The following LINGO2 variants were observed in gnomAD, a reference collection of about 807,000 sequenced individuals.
LINGO2 encodes leucine rich repeat and Ig domain containing 2.
LINGO2 carries 14 observed loss-of-function variants against 30.6 expected under a neutral mutation model. That is an observed-to-expected ratio of 0.46 (90% CI 0.30 to 0.72). LINGO2 has a LOEUF of 0.72. LINGO2 is among the 30% of genes least tolerant of loss of function. LINGO2 has a pLI of 0.07. For missense variants in LINGO2, 729 were observed against 751.7 expected (o/e 0.97, Z 0.35); for synonymous variants, 317 against 288.5 (o/e 1.10, Z -1.00).
the LINGO2 span, among the ~76,000 whole-genome samples, chr9:29,008,629 A>C: frequency 3.5e-3 from 531 of 152,208 alleles, 1 homozygote; most frequent in Non-Finnish European, 6.1e-3. Flanking sequence ...CTAACTGGTG[A>C]GAGATGGCAT....
chr9:28,082,901 G>T (rs562391672), intron 4 of LINGO2, among the ~76,000 whole-genome samples: 12 of 152,102 alleles, frequency 7.9e-5, no homozygotes, highest in Admixed American at 7.9e-4. Context: ...TTGTGTTTCT[G>T]GTTTCAAATT....
intron 3 of LINGO2, among the ~76,000 whole-genome samples, chr9:28,335,483 A>G (rs1825560529): frequency 6.6e-6 from 1 of 152,152 alleles, no homozygotes; most frequent in African/African-American, 2.4e-5. Flanking sequence ...TATACATACC[A>G]TGCTAAGTGT....
the LINGO2 span, among the ~76,000 whole-genome samples, chr9:28,848,164 AG>A: frequency 2.3e-5 from 2 of 86,314 alleles, no homozygotes; most frequent in East Asian, 3.1e-4. Flanking sequence ...ACGCATATAT[AG>A]TGTGTATATA....
chr9:28,404,043 C>T (rs1024798374), intron 2 of LINGO2, among the ~76,000 whole-genome samples: 3 of 151,972 alleles, frequency 2.0e-5, no homozygotes, highest in Admixed American at 2.0e-4. Context: ...ACCCAATAAG[C>T]CAAAATCTTT....
intron 4 of LINGO2, among the ~76,000 whole-genome samples, chr9:28,226,148 T>A (rs79785441): frequency 2.6e-5 from 4 of 152,174 alleles, no homozygotes; most frequent in Non-Finnish European, 4.4e-5. Flanking sequence ...ATATATCTCA[T>A]TGGAGATTTA....
the LINGO2 span, among the ~76,000 whole-genome samples, chr9:29,210,815 T>C: frequency 2.0e-5 from 3 of 152,180 alleles, no homozygotes; most frequent in Admixed American, 6.5e-5. Flanking sequence ...TAAGGTGAAA[T>C]ACCTGGCAGA....
intron 2 of LINGO2, among the ~76,000 whole-genome samples, chr9:28,471,764 C>T (rs553107408): frequency 1.3e-5 from 2 of 152,212 alleles, no homozygotes; most frequent in African/African-American, 4.8e-5. Context: ...ATCTGTCTAC[C>T]AACAAGCTTT....
intron 1 of LINGO2, among the ~76,000 whole-genome samples, chr9:28,611,817 A>AT (rs59766009): frequency 6.7e-6 from 1 of 148,746 alleles, no homozygotes; most frequent in Non-Finnish European, 1.5e-5. Flanking sequence ...ATTTTATTTT[A>AT]TTTATTTATT....
the LINGO2 span, among the ~76,000 whole-genome samples, chr9:29,063,497 G>A: frequency 1.3e-5 from 2 of 151,514 alleles, no homozygotes; most frequent in Non-Finnish European, 2.9e-5. Context: ...CTGCCTCCCA[G>A]GTTTGAGCAA....
At chr9:28,388,180 ACTTG>A (rs1339476644) in intron 2 of LINGO2, among the ~76,000 whole-genome samples, 1 of 152,164 alleles carries the variant, frequency 6.6e-6, no homozygotes, top group African/African-American at 2.4e-5. Context: ...GTGTAACTAG[ACTTG>A]CTTTTTTCTC....
the LINGO2 span, among the ~76,000 whole-genome samples, chr9:29,011,926 T>C: frequency 1.3e-5 from 2 of 152,194 alleles, no homozygotes; most frequent in Non-Finnish European, 2.9e-5. Context: ...TTTGTCAACA[T>C]TTCTGAAAAT....
chr9:29,081,260 T>C, the LINGO2 span, among the ~76,000 whole-genome samples: 3 of 151,886 alleles, frequency 2.0e-5, no homozygotes, highest in South Asian at 2.1e-4. Flanking sequence ...TCCCTGGGAC[T>C]GCAAGGCTGG....
At chr9:27,955,090 T>C (rs1328334499) in intron 5 of LINGO2, among the ~76,000 whole-genome samples, 1 of 152,192 alleles carries the variant, frequency 6.6e-6, no homozygotes, top group African/African-American at 2.4e-5. Context: ...TGACATTATT[T>C]TGACATTCAA....
At chr9:29,067,930 A>G in the LINGO2 span, among the ~76,000 whole-genome samples, 1 of 151,770 alleles carries the variant, frequency 6.6e-6, no homozygotes, top group African/African-American at 2.4e-5. Flanking sequence ...GGAGCTTTAA[A>G]AACTAGTTTT....
the LINGO2 span, among the ~76,000 whole-genome samples, chr9:29,092,484 T>C: frequency 1.3e-5 from 2 of 152,104 alleles, no homozygotes; most frequent in Non-Finnish European, 2.9e-5. Context: ...AATACTTACC[T>C]ATAAAATGTA....
At chr9:29,111,661 CT>C in the LINGO2 span, among the ~76,000 whole-genome samples, 4 of 151,098 alleles carry the variant, frequency 2.6e-5, no homozygotes, top group Non-Finnish European at 4.4e-5. Flanking sequence ...AGCTTATCAG[CT>C]TTTTTTTGCC....
intron 2 of LINGO2, among the ~76,000 whole-genome samples, chr9:28,471,310 A>T (rs1008528019): frequency 6.6e-6 from 1 of 152,230 alleles, no homozygotes; most frequent in Non-Finnish European, 1.5e-5. Flanking sequence ...GAAAAACAGA[A>T]GGGCAAGACA....
At chr9:28,656,550 T>C (rs1588034586) in intron 1 of LINGO2, among the ~76,000 whole-genome samples, 1 of 152,188 alleles carries the variant, frequency 6.6e-6, no homozygotes, top group East Asian at 1.9e-4. Context: ...CAAACTGAGA[T>C]GTAATTTACA....
At chr9:28,611,716 T>C (rs75675583) in intron 1 of LINGO2, among the ~76,000 whole-genome samples, 3,594 of 152,190 alleles carry the variant, frequency 0.024, 69 homozygotes, top group Admixed American at 0.055. Flanking sequence ...TACAACAGGA[T>C]TTCTTTCTTC....
Sources: gnomAD v4.1 joint callset for allele counts (sites outside exome capture counted in the v4.1 genomes callset) on GRCh38, gnomAD v4.1.1 for gene constraint, MANE v1.5 for transcripts, NCBI Gene and HGNC (gene_info 2026-07-23, HGNC 2026-07-21) for gene names.